EIF5B: variants seen among roughly 807,000 people sequenced by gnomAD.
The protein encoded by EIF5B is eukaryotic translation initiation factor 5B.
In EIF5B, 47 loss-of-function variants were observed where a neutral mutation model predicts 147.5. The observed-to-expected ratio is 0.32, with a 90% CI of 0.25 to 0.41. The LOEUF (loss-of-function observed/expected upper bound fraction) is 0.41. Ranked by LOEUF, EIF5B falls within the 10% of genes least tolerant of loss-of-function variation. The pLI, the probability that EIF5B is intolerant of heterozygous loss-of-function variation, is 1.00. For synonymous variants in EIF5B, 455 were observed against 456.2 expected, an observed-to-expected ratio of 1.00 and a Z score of 0.03; for missense variants, 1,064 against 1,413.2, an observed-to-expected ratio of 0.75 and a Z score of 3.96.
chr2:99,401,121 C>G lies in EIF5B; in HGVS notation c.*1707C>G. On this transcript the variant is annotated 3_prime_UTR_variant, in exon 24 of 24. Transcript: ENST00000289371. ...TTTTTGAAAAGAAATGTACAAAACACTTGCTTTAAAAGAAATTTAAAATTA... is the reference window on the plus strand; with the variant it reads ...TTTTTGAAAAGAAATGTACAAAACAGTTGCTTTAAAAGAAATTTAAAATTA... 1 of 547,132 alleles carries G rather than the reference C, an allele frequency of 1.8e-6. No individual in the cohort carries two copies. Among genetic ancestry groups the G allele is most frequent in the Middle Eastern group, 4.6e-4 (1 of 2,168 alleles). The allele number at this position is 547,132 out of a possible 1,614,324, so 33.9% of individuals were successfully genotyped here.
At chr2:99,393,335 A>T (rs1310902390) in intron 18 of EIF5B, among the ~76,000 whole-genome samples, 2 of 152,196 alleles carry the variant, frequency 1.3e-5, no homozygotes, top group Non-Finnish European at 2.9e-5. Context: ...TCAAATAAAA[A>T]AATGAGTCAA....
intron 1 of EIF5B, among the ~76,000 whole-genome samples, chr2:99,355,239 T>C (rs913759234): frequency 6.6e-6 from 1 of 152,232 alleles, no homozygotes; most frequent in Non-Finnish European, 1.5e-5. Flanking sequence ...CATTTTAGTC[T>C]TTTTTCAAAA....
intron 1 of EIF5B, among the ~76,000 whole-genome samples, chr2:99,344,886 C>T (rs191489928): frequency 6.6e-6 from 1 of 152,262 alleles, no homozygotes; most frequent in Admixed American, 6.5e-5. Context: ...TATTCTGCCC[C>T]CTCCTTTCTT....
At position 99,379,375 on chromosome 2, in the gene EIF5B, G is replaced by A. The variant is rs905201172; in HGVS notation, c.2008G>A (p.Ala670Thr). ...AGGTGGTATCACACAACAAATTGGG[G>A]CCACCAATGTTCCTCTTGAAGCTAT... ...EAGGITQQIG[A>T]TNVPLEAINE... The change falls in exon 12 of 24, where the codon GCC (alanine) becomes ACC (threonine). Residue 670 changes from alanine to threonine, a missense_variant. By Grantham distance (58) the Ala-to-Thr change is moderately conservative. Around this residue, in one of 4 missense-constraint regions of EIF5B, gnomAD observed 380 missense variants for 715.6 expected, o/e 0.53. Coordinates refer to ENST00000289371, the MANE Select transcript of EIF5B (RefSeq NM_015904.4). 6.2e-7 allele frequency: 1 copy of A among 1,613,468 alleles called. No individual in the cohort carries two copies. Among genetic ancestry groups the A allele is most frequent in the African/African-American group, 1.3e-5 (1 of 74,858 alleles).
At chr2:99,365,678 T>C (rs992006188) in intron 6 of EIF5B, among the ~76,000 whole-genome samples, 9 of 151,842 alleles carry the variant, frequency 5.9e-5, no homozygotes, top group African/African-American at 2.2e-4. Context: ...TGGTGGACTT[T>C]TAGCATCAGT....
intron 1 of EIF5B, chr2:99,338,362 C>T (rs747165021): frequency 7.8e-7 from 1 of 1,288,198 alleles, no homozygotes; most frequent in Non-Finnish European, 1.0e-6. Context: ...CGATTGAGTT[C>T]TGTTACTCAT....
intron 1 of EIF5B, among the ~76,000 whole-genome samples, chr2:99,337,818 C>T (rs530382613): frequency 3.5e-4 from 54 of 152,360 alleles, no homozygotes; most frequent in African/African-American, 1.3e-3. Context: ...CCCGGCACCC[C>T]TTCCCCGGCC....
chr2:99,345,604 A>T (rs1055145014), intron 1 of EIF5B, among the ~76,000 whole-genome samples: 2 of 133,856 alleles, frequency 1.5e-5, no homozygotes, highest in Non-Finnish European at 3.3e-5. Context: ...AAAAAAAAAA[A>T]AAAAAAAGGA....
rs1399521314 is a variant in EIF5B at position 99,399,893 on chromosome 2, A to G, written c.*479A>G. On this transcript the variant is annotated 3_prime_UTR_variant, in exon 24 of 24. Coordinates refer to ENST00000289371, the MANE Select transcript of EIF5B (RefSeq NM_015904.4). ...CAGCATTCTTCTGCCATATGCCTTT[A>G]GGGCTTTTATAAAATAGAAAATTAG... The G allele has an allele frequency of 6.5e-6, 1 of 154,172 alleles. No homozygotes were observed. The highest frequency in any genetic ancestry group is 2.4e-5 in the African/African-American group (1 of 41,454). 9.6% of individuals were successfully genotyped at this position (154,172 alleles called of 1,614,324 possible). A position where few individuals can be genotyped will look rare whatever the true frequency, so the allele number is the denominator to read the frequency against.
chr2:99,376,325 A>C, intron 9 of EIF5B, 22 bp from the exon 10 acceptor site: 1 of 1,307,996 alleles, frequency 7.6e-7, no homozygotes, highest in Non-Finnish European at 1.0e-6. Flanking sequence ...TTATTTATTT[A>C]AAAATATATT....
At chr2:99,337,744 C>T (rs1208427825) in intron 1 of EIF5B, among the ~76,000 whole-genome samples, 155 bp downstream of exon 1, 2 of 152,190 alleles carry the variant, frequency 1.3e-5, no homozygotes, top group Non-Finnish European at 2.9e-5. Context: ...GGCCCAAGCC[C>T]CCGGGCCGGG....
Position 99,354,321 on chromosome 2 carries a change from CA to C in EIF5B, c.36-5914del, listed in dbSNP as rs1390159868. Among the ~76,000 whole-genome samples the C allele has an allele frequency of 3.2e-4, 48 of 152,252 alleles. 1 individual carries two copies. The East Asian group carries it at 6.6e-3, about 21-fold the overall frequency. ...GCTAATGATGTGAACATTTATTTGC[CA>C]TGTGTATATCTTCAGTGGAATGTCT... is the stretch of plus-strand genomic sequence containing the variant. On this transcript the variant is annotated intron_variant, in intron 1 of 23. Transcript: ENST00000289371.
intron 16 of EIF5B, 51 bp from the exon 17 acceptor site, chr2:99,390,493 G>C (rs371790480): frequency 3.5e-5 from 55 of 1,585,226 alleles, no homozygotes; most frequent in Non-Finnish European, 4.6e-5. Flanking sequence ...TAGATTTAAT[G>C]AACATGGTGC....
chr2:99,379,066 A>G lies in EIF5B; in HGVS notation c.1890A>G (p.Arg630=), dbSNP rs1218846117. Residue 630 remains arginine (R), a synonymous_variant, in exon 11 of 24, where the codon AGA becomes AGG. Transcript: ENST00000289371. ...HSKNVNTEKL[R]APIICVLGHV... ...AAAATGTAAACACCGAAAAGCTAAG[A>G]GCCCCTATTATCTGCGTACTTGGGC... The G allele has an allele frequency of 3.7e-6, 6 of 1,601,712 alleles. No homozygotes were observed. The highest frequency in any genetic ancestry group is 3.4e-5 in the South Asian group (3 of 87,068).
At position 99,400,475 on chromosome 2, in the gene EIF5B, T is replaced by C. The variant is rs1176992312; in HGVS notation, c.*1061T>C. ...AAAAAGTTCCAAATATCCACTAGCA[T>C]AGAATTTTAAACTATTTTTATTTTA... On this transcript the variant is annotated 3_prime_UTR_variant, in exon 24 of 24. Transcript: ENST00000289371. 9 of 152,200 alleles carry C rather than the reference T, an allele frequency of 5.9e-5. No individual in the cohort carries two copies. The highest frequency in any genetic ancestry group is 5.9e-4 in the Admixed American group (9 of 15,282). The allele number at this position is 152,200 out of a possible 1,614,324, so 9.4% of individuals were successfully genotyped here. A position where few individuals can be genotyped will look rare whatever the true frequency, so the allele number is the denominator to read the frequency against.
At chr2:99,349,792 T>C (rs529158741) in intron 1 of EIF5B, among the ~76,000 whole-genome samples, 82 of 152,316 alleles carry the variant, frequency 5.4e-4, no homozygotes, top group African/African-American at 1.8e-3. Context: ...CAAACACTTG[T>C]CATTTCTTTG....
At position 99,361,372 on chromosome 2, in the gene EIF5B, A is replaced by C; in HGVS notation, c.471A>C (p.Ser157=). The change falls in exon 4 of 24, where the codon TCA becomes TCC. Residue 157 remains serine (S), a synonymous_variant. Coordinates refer to ENST00000289371, the MANE Select transcript of EIF5B (RefSeq NM_015904.4). ...AAGCTAAAGGGAAAGCTCAAAAATC[A>C]AATAAGAAGTGGGATGGGTCAGAGG... is the stretch of plus-strand genomic sequence containing the variant. The part of the protein sequence containing the change: ...PKKAKGKAQK[S]NKKWDGSEED... The C allele has an allele frequency of 6.2e-7, 1 of 1,611,428 alleles. No individual in the cohort carries two copies. The highest frequency in any genetic ancestry group is 8.5e-7 in the Non-Finnish European group (1 of 1,179,450).
chr2:99,353,204 G>A (rs1187159291), intron 1 of EIF5B, among the ~76,000 whole-genome samples: 3 of 151,394 alleles, frequency 2.0e-5, no homozygotes, highest in Non-Finnish European at 4.4e-5. Flanking sequence ...TAGTAAAGAC[G>A]GGGTTTCACC....
intron 1 of EIF5B, among the ~76,000 whole-genome samples, chr2:99,341,431 C>A (rs2094259234): frequency 6.6e-6 from 1 of 152,204 alleles, no homozygotes; most frequent in African/African-American, 2.4e-5. Context: ...CTCTAGCCTT[C>A]CATGCTGTCC....
Sources: allele counts gnomAD v4.1 joint callset (sites outside exome capture counted in the v4.1 genomes callset), GRCh38; gene constraint gnomAD v4.1.1; regional missense constraint gnomAD v4.1.1; transcripts MANE v1.5; gene names NCBI Gene and HGNC (gene_info 2026-07-23, HGNC 2026-07-21).